TYW1: variants seen among roughly 807,000 people sequenced by gnomAD.
The protein encoded by TYW1 is tRNA-yW synthesizing protein 1 homolog, also known as S-adenosyl-L-methionine-dependent tRNA 4-demethylwyosine synthase TYW1.
In TYW1, 46 loss-of-function variants were observed where a neutral mutation model predicts 96.2. The observed-to-expected ratio is 0.48, with a 90% confidence interval of 0.38 to 0.61. The LOEUF (loss-of-function observed/expected upper bound fraction) is 0.61, where lower values mean the gene tolerates loss of function less well. Among genes scored for constraint, TYW1 ranks in the 20% least tolerant of loss-of-function variants. The pLI, the probability that TYW1 is intolerant of heterozygous loss-of-function variation, is 0.00. For synonymous variants in TYW1, 274 were observed against 323.0 expected (o/e 0.85, Z 1.63); for missense variants, 684 against 909.6 (o/e 0.75, Z 3.19).
At chr7:67,181,270 A>T (rs1385443289) in intron 13 of TYW1, among the ~76,000 whole-genome samples, 1 of 152,146 alleles carries the variant, frequency 6.6e-6, no homozygotes, top group Admixed American at 6.6e-5. Context: ...AATTTCTATA[A>T]GATTTTTACA....
At chr7:67,117,451 T>C in intron 12 of TYW1, 32 bp from the exon 13 acceptor site, 1 of 1,588,406 alleles carries the variant, frequency 6.3e-7, no homozygotes, top group Non-Finnish European at 8.5e-7. Context: ...GGAATAATTT[T>C]TCTTTCTTCT....
chr7:67,081,248 T>A (rs1427966572), intron 10 of TYW1, among the ~76,000 whole-genome samples: 1 of 147,480 alleles, frequency 6.8e-6, no homozygotes, highest in Non-Finnish European at 1.5e-5. Flanking sequence ...TTCCAGCCCT[T>A]AGAATATATC....
intron 9 of TYW1, among the ~76,000 whole-genome samples, chr7:67,064,853 GA>G (rs1202530880): frequency 6.6e-6 from 1 of 151,954 alleles, no homozygotes; most frequent in Non-Finnish European, 1.5e-5. Flanking sequence ...AAAACCAACA[GA>G]AAAAAATAAA....
intron 13 of TYW1, among the ~76,000 whole-genome samples, chr7:67,149,537 G>A (rs1333309711): frequency 2.0e-5 from 3 of 151,230 alleles, no homozygotes; most frequent in Non-Finnish European, 4.4e-5. Flanking sequence ...TTTATATTCA[G>A]CCATTTGCAC....
chr7:67,037,150 C>T (rs569489917), intron 7 of TYW1, among the ~76,000 whole-genome samples: 114 of 152,238 alleles, frequency 7.5e-4, no homozygotes, highest in Middle Eastern at 6.8e-3. Flanking sequence ...CCTAGGGGTC[C>T]GCCATGAGAC....
chr7:67,067,011 G>A, intron 9 of TYW1: 1 of 453,122 alleles, frequency 2.2e-6, no homozygotes. Flanking sequence ...ATTTGAAGGA[G>A]TCTGATGGAT....
At chr7:67,014,255 A>G in intron 4 of TYW1, 112 bp from the exon 5 acceptor site, 1 of 1,396,742 alleles carries the variant, frequency 7.2e-7, no homozygotes, top group South Asian at 1.5e-5. Context: ...AACCATGTTT[A>G]TGAAGGTGCC....
At chr7:67,159,443 A>G (rs1384810003) in intron 13 of TYW1, among the ~76,000 whole-genome samples, 2 of 152,242 alleles carry the variant, frequency 1.3e-5, no homozygotes, top group African/African-American at 4.8e-5. Context: ...CCAGATGTTA[A>G]TATTTCATCA....
intron 6 of TYW1, among the ~76,000 whole-genome samples, chr7:67,024,640 G>A (rs543474621): frequency 6.6e-6 from 1 of 152,112 alleles, no homozygotes; most frequent in South Asian, 2.1e-4. Context: ...AATTAGCCAG[G>A]CGTGGTGGTA....
intron 14 of TYW1, among the ~76,000 whole-genome samples, chr7:67,183,866 C>T (rs1584666685): frequency 6.6e-6 from 1 of 151,944 alleles, no homozygotes; most frequent in Non-Finnish European, 1.5e-5. Context: ...CTTGCTCTGT[C>T]ACCCAGGTTG....
chr7:67,235,241 A>T (rs2116454379), intron 15 of TYW1, among the ~76,000 whole-genome samples: 1 of 152,280 alleles, frequency 6.6e-6, no homozygotes, highest in South Asian at 2.1e-4. Context: ...CTGTCCCTGT[A>T]CTCCCCAAGT....
Position 67,098,537 on chromosome 7 carries a change from C to G in TYW1, c.1385-4C>G. 6.4e-7 allele frequency: 1 copy of G among 1,569,412 alleles called. No individual in the cohort carries two copies. Among genetic ancestry groups the G allele is most frequent in the Non-Finnish European group, 8.7e-7 (1 of 1,153,584 alleles). ...AGCTGGGTCCTTCTCACTGTATTCT[C>G]CAGGAGTACCGGGCGTCAAAGCAGA... is the stretch of plus-strand genomic sequence containing the variant. On this transcript the variant is annotated splice_region_variant and splice_polypyrimidine_tract_variant and intron_variant, in intron 11 of 15. Transcript: ENST00000359626.
chr7:67,048,179 T>C (rs937205887), intron 7 of TYW1, among the ~76,000 whole-genome samples: 9 of 143,798 alleles, frequency 6.3e-5, no homozygotes, highest in Non-Finnish European at 1.4e-4. Context: ...ACCAGCAACT[T>C]ATGGGCCATC....
chr7:67,018,321 T>G (rs1163563756), intron 6 of TYW1, among the ~76,000 whole-genome samples, 178 bp downstream of exon 6: 1 of 152,036 alleles, frequency 6.6e-6, no homozygotes, highest in African/African-American at 2.4e-5. Context: ...GGGGTATTGC[T>G]TGAGTCCGGG....
chr7:67,022,321 A>G (rs968075650), intron 6 of TYW1, among the ~76,000 whole-genome samples: 7 of 152,330 alleles, frequency 4.6e-5, no homozygotes, highest in African/African-American at 1.4e-4. Context: ...CATAGTAAAG[A>G]CAGGATTGTA....
chr7:66,999,398 A>G (rs1056570127), intron 3 of TYW1, among the ~76,000 whole-genome samples: 3 of 152,188 alleles, frequency 2.0e-5, no homozygotes, highest in African/African-American at 7.2e-5. Flanking sequence ...TCTGTCACCC[A>G]GGCTGGAGTG....
intron 7 of TYW1, among the ~76,000 whole-genome samples, chr7:67,028,892 A>G (rs1470369222): frequency 1.3e-5 from 2 of 152,222 alleles, no homozygotes; most frequent in African/African-American, 2.4e-5. Flanking sequence ...AGCATGGTAT[A>G]TCCACACAAT....
At chr7:67,057,225 G>A (rs1029753717) in intron 9 of TYW1, among the ~76,000 whole-genome samples, 11 of 151,958 alleles carry the variant, frequency 7.2e-5, no homozygotes, top group Admixed American at 2.0e-4. Flanking sequence ...ATGTTAGCCA[G>A]GATGGTCTTG....
intron 3 of TYW1, among the ~76,000 whole-genome samples, chr7:67,005,736 T>C (rs573589212): frequency 6.6e-6 from 1 of 152,326 alleles, no homozygotes; most frequent in Non-Finnish European, 1.5e-5. Context: ...AGTGACTGTT[T>C]GAAAACTTAG....
Sources: gnomAD v4.1 joint callset for allele counts (sites outside exome capture counted in the v4.1 genomes callset) on GRCh38, gnomAD v4.1.1 for gene constraint, MANE v1.5 for transcripts, NCBI Gene and HGNC (gene_info 2026-07-23, HGNC 2026-07-21) for gene names.